GCC2: variants seen among roughly 807,000 people sequenced by gnomAD.
GCC2 encodes GRIP and coiled-coil domain containing 2, also known as GRIP and coiled-coil domain-containing protein 2.
Under a neutral mutation model 210.6 loss-of-function variants are expected in GCC2, and 120 were observed. The ratio of observed to expected loss-of-function variants is 0.57; its 90% confidence interval spans 0.49 to 0.66. The LOEUF is 0.66. Among genes scored for constraint, GCC2 ranks in the 30% least tolerant of loss-of-function variants. GCC2 has a pLI of 0.00. For missense variants in GCC2, 1,868 were observed against 1,871.9 expected (o/e 1.00, Z 0.04); for synonymous variants, 703 against 652.7 (o/e 1.08, Z -1.17).
chr2:108,459,745 CT>C (rs34052393), intron 4 of GCC2, among the ~76,000 whole-genome samples: 42 of 26,766 alleles, frequency 1.6e-3, no homozygotes, highest in African/African-American at 2.6e-3. Context: ...CCTTCTTTGT[CT>C]TTTTTTTTTT....
At chr2:108,468,805 T>C (rs541809553) in intron 4 of GCC2, among the ~76,000 whole-genome samples, 175 bp from the exon 5 acceptor site, 1 of 152,354 alleles carries the variant, frequency 6.6e-6, no homozygotes, top group African/African-American at 2.4e-5. Context: ...CAAAGATGTG[T>C]TGAAATTTCT....
chr2:108,471,793 A>T lies in GCC2; in HGVS notation c.2464A>T (p.Ser822Cys), dbSNP rs374201747. The stretch of plus-strand genomic sequence containing the variant: ...AGAGATTAAGTGCCTTCAAGAAGAG[A>T]GTGTAGTTCAGTGTGAAGAACTTAA... ...EKEIKCLQEE[S>C]VVQCEELKSL... is the part of the protein sequence containing the mutation. Residue 822 changes from serine to cysteine, a missense_variant, in exon 6 of 23, where the codon AGT becomes TGT. Ser to Cys is a moderately radical substitution (Grantham distance 112). Transcript: ENST00000309863. 1.2e-6 allele frequency: 2 copies of T among 1,612,872 alleles called. No homozygotes were observed. Among genetic ancestry groups the T allele is most frequent in the African/African-American group, 2.7e-5 (2 of 74,878 alleles).
In GCC2 at chr2:108,482,442, G is replaced by A. The variant is rs112143014; in HGVS notation, c.3336G>A (p.Gln1112=). The change falls in exon 11 of 23, where the codon CAG becomes CAA. Residue 1112 remains glutamine (Q), a synonymous_variant. Transcript: ENST00000309863. ...ELEAEKLQKE[Q]KIKEHATTVN... is the part of the protein sequence containing the mutation. ...AAGCTGAAAAACTTCAGAAAGAACA[G>A]AAGATAAAGGTAAAAACAATCCTAT... 10 of 1,521,386 alleles carry A rather than the reference G, an allele frequency of 6.6e-6. No individual in the cohort carries two copies. The African/African-American group carries it at 6.9e-5, about 11-fold the overall frequency. The allele number at this position is 1,521,386 out of a possible 1,614,324, so 94.2% of individuals were successfully genotyped here.
At position 108,487,697 on chromosome 2, in the gene GCC2, A is replaced by T; in HGVS notation, c.3931-2A>T. ...AACGTTTCTCTCTTTTAAATGTTAT[A>T]GGCAGAACAAGCTACTGTAACCTCT... On this transcript the variant is annotated splice_acceptor_variant, in intron 16 of 22. Coordinates refer to ENST00000309863, the MANE Select transcript of GCC2 (RefSeq NM_181453.4). LOFTEE classifies it high-confidence loss of function. 1 of 1,611,256 alleles carries T rather than the reference A, an allele frequency of 6.2e-7. No individual in the cohort carries two copies. Among genetic ancestry groups the T allele is most frequent in the South Asian group, 1.1e-5 (1 of 90,690 alleles).
At chr2:108,464,532 T>C (rs577795619) in intron 4 of GCC2, among the ~76,000 whole-genome samples, 3 of 152,304 alleles carry the variant, frequency 2.0e-5, no homozygotes. Flanking sequence ...AAGGGACCCT[T>C]CTATGGCTAG....
intron 7 of GCC2, among the ~76,000 whole-genome samples, chr2:108,473,652 C>G (rs888426115): frequency 6.6e-6 from 1 of 151,984 alleles, no homozygotes; most frequent in Non-Finnish European, 1.5e-5. Flanking sequence ...AATTTAGTAC[C>G]CTGTTAGATT....
intron 19 of GCC2, chr2:108,494,487 G>T (rs1682549890): frequency 6.6e-6 from 1 of 152,138 alleles, no homozygotes; most frequent in African/African-American, 2.4e-5. Flanking sequence ...GAGCACTGTA[G>T]GTGTGAGCAG....
At chr2:108,452,896 G>C (rs1261941548) in intron 4 of GCC2, among the ~76,000 whole-genome samples, 2 of 152,154 alleles carry the variant, frequency 1.3e-5, no homozygotes, top group Non-Finnish European at 2.9e-5. Flanking sequence ...ATTTCACCAT[G>C]TTGGCCAAGA....
chr2:108,476,552 A>G (rs1236780166), intron 9 of GCC2, among the ~76,000 whole-genome samples: 1 of 152,222 alleles, frequency 6.6e-6, no homozygotes, highest in African/African-American at 2.4e-5. Flanking sequence ...CCTTAGTAAC[A>G]TGAAAATGTA....
At chr2:108,468,239 A>AT (rs530763474) in intron 4 of GCC2, among the ~76,000 whole-genome samples, 18 of 151,512 alleles carry the variant, frequency 1.2e-4, no homozygotes, top group Non-Finnish European at 1.0e-4. Flanking sequence ...TTTTCTTTGT[A>AT]TTTTTTAGTA....
chr2:108,485,600 T>C (rs757657431), intron 13 of GCC2, 36 bp from the exon 14 acceptor site: 2 of 1,090,814 alleles, frequency 1.8e-6, no homozygotes, highest in African/African-American at 1.6e-5. Context: ...TAAAAATTGT[T>C]ACATCTTTTT....
intron 7 of GCC2, 120 bp downstream of exon 7, chr2:108,473,019 CTT>C: frequency 1.8e-6 from 1 of 570,206 alleles, no homozygotes; most frequent in Non-Finnish European, 3.0e-6. Flanking sequence ...TCGTAGCTGT[CTT>C]TTCCTCGAGC....
intron 3 of GCC2, among the ~76,000 whole-genome samples, chr2:108,451,868 A>G (rs1333267662): frequency 7.7e-6 from 1 of 129,094 alleles, no homozygotes; most frequent in African/African-American, 3.1e-5. Context: ...TTCAAGACGG[A>G]GTCTCGCTCT....
chr2:108,507,857 A>T lies in GCC2; in HGVS notation c.*227A>T. On this transcript the variant is annotated 3_prime_UTR_variant, in exon 23 of 23. Coordinates refer to ENST00000309863, the MANE Select transcript of GCC2 (RefSeq NM_181453.4). ...AGCCCTCTAACTCATGTGATTTCCC[A>T]TGCATGCTGCCAGAATAAAACCACC... 2 of 384,194 alleles carry T rather than the reference A, an allele frequency of 5.2e-6. No homozygotes were observed. Among genetic ancestry groups the T allele is most frequent in the Admixed American group, 4.5e-5 (1 of 22,288 alleles). The allele number at this position is 384,194 out of a possible 1,614,324, so 23.8% of individuals were successfully genotyped here.
chr2:108,449,488 G>A, intron 1 of GCC2, 145 bp from the exon 2 acceptor site: 1 of 1,162,140 alleles, frequency 8.6e-7, no homozygotes, highest in Non-Finnish European at 1.2e-6. Context: ...CACAGCGACC[G>A]CCTCCGTCCG....
intron 18 of GCC2, among the ~76,000 whole-genome samples, chr2:108,491,860 G>A (rs1422986848): frequency 6.6e-6 from 1 of 151,600 alleles, no homozygotes; most frequent in African/African-American, 2.4e-5. Flanking sequence ...TTCCCAAATT[G>A]TAGGCCCACT....
Position 108,489,835 on chromosome 2 carries a change from T to C in GCC2, c.4053-3T>C. 1.3e-6 allele frequency: 2 copies of C among 1,589,940 alleles called. No homozygotes were observed. The highest frequency in any genetic ancestry group is 1.7e-6 in the Non-Finnish European group (2 of 1,171,248). ...ATTTTAAAACTGTGTATTTCTGTTTTAGGGAACATCTGGAAATGCTGATTG... is the reference window on the plus strand; with the variant it reads ...ATTTTAAAACTGTGTATTTCTGTTTCAGGGAACATCTGGAAATGCTGATTG... On this transcript the variant is annotated splice_region_variant and splice_polypyrimidine_tract_variant and intron_variant, in intron 17 of 22. Transcript: ENST00000309863.
At chr2:108,474,153 G>A (rs559436569) in intron 7 of GCC2, among the ~76,000 whole-genome samples, 15 of 152,078 alleles carry the variant, frequency 9.9e-5, no homozygotes, top group African/African-American at 2.4e-4. Flanking sequence ...GGGAGACTCC[G>A]TCTCAAAAAA....
chr2:108,492,651 C>T lies in GCC2; in HGVS notation c.4308C>T (p.Asn1436=), dbSNP rs150908938. The T allele has an allele frequency of 2.7e-5, 43 of 1,613,442 alleles. No homozygotes were observed. Among genetic ancestry groups the T allele is most frequent in the Non-Finnish European group, 3.5e-5 (41 of 1,179,508 alleles). Residue 1436 remains asparagine, a synonymous_variant, in exon 19 of 23, where the codon AAC becomes AAT. Transcript: ENST00000309863. ...TQTVSQLTSQ[N]EVLRNSFRDQ... Reference sequence around the variant, plus strand: ...CTGTGAGTCAGCTAACATCCCAGAACGAGGTCCTTCGAAATAGCTTCCGAG... The same window carrying T: ...CTGTGAGTCAGCTAACATCCCAGAATGAGGTCCTTCGAAATAGCTTCCGAG...
Sources: gnomAD v4.1 joint callset for allele counts (sites outside exome capture counted in the v4.1 genomes callset) on GRCh38, gnomAD v4.1.1 for gene constraint, MANE v1.5 for transcripts, NCBI Gene and HGNC (gene_info 2026-07-23, HGNC 2026-07-21) for gene names.